SYN2: variants seen among roughly 807,000 people sequenced by gnomAD.
SYN2 encodes the protein synapsin-2.
In SYN2, 19 loss-of-function variants were observed where a neutral mutation model predicts 50.9. The observed-to-expected ratio is 0.37, with a 90% CI of 0.26 to 0.55. SYN2 has a LOEUF of 0.55. Among genes scored for constraint, SYN2 ranks in the 20% least tolerant of loss-of-function variants. The pLI is 0.81. For synonymous variants in SYN2, 255 were observed against 224.9 expected, an observed-to-expected ratio of 1.13 and a Z score of -1.20; for missense variants, 587 against 576.4, an observed-to-expected ratio of 1.02 and a Z score of -0.19.
intron 1 of SYN2, among the ~76,000 whole-genome samples, chr3:12,045,267 A>G (rs948846269): frequency 1.3e-5 from 2 of 152,170 alleles, no homozygotes; most frequent in African/African-American, 4.8e-5. Flanking sequence ...AGATGTGATT[A>G]TAATACATGA....
At chr3:12,125,448 G>A (rs1696649632) in intron 1 of SYN2, among the ~76,000 whole-genome samples, 1 of 152,214 alleles carries the variant, frequency 6.6e-6, no homozygotes, top group African/African-American at 2.4e-5. Flanking sequence ...TTTTCCCTAA[G>A]TGGTAGTTTG....
intron 1 of SYN2, among the ~76,000 whole-genome samples, chr3:12,103,421 A>G (rs1463043830): frequency 1.3e-5 from 2 of 152,206 alleles, no homozygotes; most frequent in Non-Finnish European, 2.9e-5. Flanking sequence ...TAAAAAGACA[A>G]TTAAAATTCT....
chr3:12,170,465 A>C (rs1222524797), intron 10 of SYN2, among the ~76,000 whole-genome samples: 1 of 152,100 alleles, frequency 6.6e-6, no homozygotes, highest in Non-Finnish European at 1.5e-5. Context: ...GTAGTGCATG[A>C]CTCATGGCCA....
intron 5 of SYN2, chr3:12,157,493 A>G: frequency 1.9e-6 from 3 of 1,613,894 alleles, no homozygotes; most frequent in Non-Finnish European, 2.5e-6. Flanking sequence ...CTGCATAGGA[A>G]GAGAAAAGAG....
chr3:12,174,702 G>T (rs553193502), intron 10 of SYN2, among the ~76,000 whole-genome samples: 1 of 152,056 alleles, frequency 6.6e-6, no homozygotes, highest in African/African-American at 2.4e-5. Context: ...AGATGGTCTC[G>T]ATCTCCTGAC....
intron 1 of SYN2, among the ~76,000 whole-genome samples, chr3:12,107,872 TCTC>T (rs1197614540): frequency 1.3e-5 from 2 of 152,090 alleles, no homozygotes; most frequent in Admixed American, 1.3e-4. Flanking sequence ...ATTCAACAAA[TCTC>T]CTAGAATACA....
In SYN2 at chr3:12,040,622, C is replaced by T. The variant is rs545316646; in HGVS notation, c.377+35694C>T. On this transcript the variant is annotated intron_variant, in intron 1 of 12. Coordinates refer to ENST00000621198, the MANE Select transcript of SYN2 (RefSeq NM_133625.6). ...TAATTTTTTGTATTTTTAGTAGAGA[C>T]GGGGTTTCACCATGTTCTGTTTCTT... 6.5e-4 allele frequency among the ~76,000 whole-genome samples: 98 copies of T among 151,834 alleles called. 1 individual carries two copies. In the South Asian group the frequency reaches 0.015, roughly 24 times the overall value.
chr3:12,094,253 G>A (rs889525328), intron 1 of SYN2, among the ~76,000 whole-genome samples: 3 of 152,116 alleles, frequency 2.0e-5, no homozygotes, highest in Admixed American at 2.0e-4. Flanking sequence ...CTTCTTGAAG[G>A]CAAGGAGTAA....
intron 5 of SYN2, among the ~76,000 whole-genome samples, chr3:12,156,018 G>A (rs1574866553): frequency 6.6e-6 from 1 of 152,198 alleles, no homozygotes; most frequent in Non-Finnish European, 1.5e-5. Context: ...CAAGAGCCAT[G>A]TCTGGACAGT....
At chr3:12,182,726 T>C (rs1284072205) in intron 10 of SYN2, among the ~76,000 whole-genome samples, 1 of 152,202 alleles carries the variant, frequency 6.6e-6, no homozygotes, top group Non-Finnish European at 1.5e-5. Context: ...ATCTCCTGAG[T>C]CAGGCCTAGA....
intron 1 of SYN2, among the ~76,000 whole-genome samples, chr3:12,089,130 A>G (rs1386457028): frequency 6.6e-6 from 1 of 152,192 alleles, no homozygotes; most frequent in Non-Finnish European, 1.5e-5. Flanking sequence ...TATTCCATAA[A>G]TATATACGTA....
rs527513037 is a variant in SYN2 at position 12,158,794 on chromosome 3, C to T, written c.775-2752C>T. 112 of 1,603,220 alleles carry T rather than the reference C, an allele frequency of 7.0e-5. No homozygotes were observed. The highest frequency in any genetic ancestry group is 3.3e-4 in the Middle Eastern group (2 of 6,026). The stretch of plus-strand genomic sequence containing the variant: ...CGGGGGCCGCAGCAACGCCAGCAGC[C>T]GCAGCAACAGCACCCAGCTTGGCGC... On this transcript the variant is annotated intron_variant, in intron 5 of 12. Transcript: ENST00000621198.
At chr3:12,185,403 A>C in intron 11 of SYN2, 12 of 985,812 alleles carry the variant, frequency 1.2e-5, no homozygotes, top group Non-Finnish European at 1.4e-5. Flanking sequence ...GTCAGGCTAC[A>C]GGGTGGTGTC....
chr3:12,022,848 A>G (rs945300426), intron 1 of SYN2, among the ~76,000 whole-genome samples: 2 of 152,134 alleles, frequency 1.3e-5, no homozygotes, highest in African/African-American at 4.8e-5. Flanking sequence ...GTGCCTGGCC[A>G]AGAAAATTAT....
chr3:12,038,464 G>C (rs1185934348), intron 1 of SYN2, among the ~76,000 whole-genome samples: 2 of 152,028 alleles, frequency 1.3e-5, no homozygotes, highest in African/African-American at 4.8e-5. Flanking sequence ...CTGCAAAAAA[G>C]GCAGCTGAAA....
intron 1 of SYN2, chr3:12,071,526 T>C: frequency 5.5e-6 from 2 of 363,218 alleles, no homozygotes; most frequent in South Asian, 4.5e-5. Flanking sequence ...CACTTGATTG[T>C]AGAACTTGTT....
intron 1 of SYN2, among the ~76,000 whole-genome samples, chr3:12,111,169 A>G (rs1405920294): frequency 6.6e-6 from 1 of 152,184 alleles, no homozygotes; most frequent in Non-Finnish European, 1.5e-5. Context: ...TGTTCTCATG[A>G]TAGTGAATAA....
At chr3:12,054,279 A>G (rs1694940394) in intron 1 of SYN2, among the ~76,000 whole-genome samples, 1 of 151,740 alleles carries the variant, frequency 6.6e-6, no homozygotes, top group Non-Finnish European at 1.5e-5. Flanking sequence ...ATGAAGAATA[A>G]CCCTCCTCCC....
intron 1 of SYN2, among the ~76,000 whole-genome samples, chr3:12,131,121 C>T (rs1253185284): frequency 2.0e-5 from 3 of 152,190 alleles, no homozygotes; most frequent in Non-Finnish European, 2.9e-5. Flanking sequence ...GGGATGCAGC[C>T]CCACATTCCA....
Sources: gnomAD v4.1 joint callset for allele counts (sites outside exome capture counted in the v4.1 genomes callset) on GRCh38, gnomAD v4.1.1 for gene constraint, MANE v1.5 for transcripts, NCBI Gene and HGNC (gene_info 2026-07-23, HGNC 2026-07-21) for gene names.